Variants in SCN8A observed in about 807,000 individuals in gnomAD.
SCN8A encodes the protein sodium channel protein type 8 subunit alpha.
Under a neutral mutation model 184.1 loss-of-function variants are expected in SCN8A, and 30 were observed. The observed-to-expected ratio is 0.16, with a 90% confidence interval of 0.12 to 0.22. SCN8A has a LOEUF of 0.22. Ranked by LOEUF, SCN8A falls within the 10% of genes least tolerant of loss-of-function variation. SCN8A has a pLI of 1.00. For synonymous variants in SCN8A, 852 were observed against 907.0 expected, an observed-to-expected ratio of 0.94 and a Z score of 1.09; for missense variants, 1,057 against 2,498.9, an observed-to-expected ratio of 0.42 and a Z score of 12.30.
chr12:51,786,488 A>G (rs1465020906), intron 21 of SCN8A, 54 bp from the exon 22 acceptor site: 1 of 1,593,744 alleles, frequency 6.3e-7, no homozygotes, highest in Non-Finnish European at 8.6e-7. Flanking sequence ...AAATCAAAAA[A>G]TGTGCTTGCT....
intron 24 of SCN8A, 118 bp downstream of exon 24, chr12:51,789,536 C>T (rs1938183883): frequency 8.7e-7 from 1 of 1,153,734 alleles, no homozygotes; most frequent in Non-Finnish European, 1.2e-6. Flanking sequence ...ATATTGTTAG[C>T]TCACTGTGAC....
Position 51,687,117 on chromosome 12 carries a change from T to C in SCN8A, c.512T>C (p.Phe171Ser). 6.2e-7 allele frequency: 1 copy of C among 1,613,474 alleles called. No individual in the cohort carries two copies. The change falls in exon 5 of 27, where the codon TTT becomes TCT. Residue 171 changes from phenylalanine to serine, a missense_variant. Physicochemically the swap from Phe to Ser is radical, Grantham distance 155. Coordinates refer to ENST00000627620, the MANE Select transcript of SCN8A (RefSeq NM_001330260.2). ...TACACGTTCACAGGGATTTATACATTTGAATCACTAGTGAAAATCATTGCA... is the reference window on the plus strand; with the variant it reads ...TACACGTTCACAGGGATTTATACATCTGAATCACTAGTGAAAATCATTGCA... ...VEYTFTGIYT[F>S]ESLVKIIARG...
chr12:51,614,575 A>G (rs552941847), intron 1 of SCN8A, among the ~76,000 whole-genome samples: 4 of 152,294 alleles, frequency 2.6e-5, no homozygotes, highest in Admixed American at 2.6e-4. Flanking sequence ...TAACAGTGAT[A>G]CATTTGTTAA....
intron 16 of SCN8A, among the ~76,000 whole-genome samples, chr12:51,767,198 C>T (rs1013720484): frequency 3.9e-5 from 6 of 152,176 alleles, no homozygotes; most frequent in African/African-American, 1.4e-4. Context: ...AATGGCTTCC[C>T]GGTATGTAGC....
chr12:51,644,639 C>T (rs1940524603), intron 1 of SCN8A, among the ~76,000 whole-genome samples: 1 of 152,142 alleles, frequency 6.6e-6, no homozygotes, highest in African/African-American at 2.4e-5. Flanking sequence ...GAGATTGCAG[C>T]CTCTGCCCGG....
chr12:51,622,342 C>T (rs553002926), intron 1 of SCN8A, among the ~76,000 whole-genome samples: 1 of 152,186 alleles, frequency 6.6e-6, no homozygotes, highest in Non-Finnish European at 1.5e-5. Context: ...TTGGATTTTA[C>T]CACTTTTCAC....
chr12:51,611,774 C>T lies in SCN8A; in HGVS notation c.-55+20415C>T, dbSNP rs377697517. Reference sequence around the variant, plus strand: ...CCTCCCAAAGTGTTGGGATTACTGACGTGAGCCACTGCACCCGGCCTAATG... The same window carrying T: ...CCTCCCAAAGTGTTGGGATTACTGATGTGAGCCACTGCACCCGGCCTAATG... On this transcript the variant is annotated intron_variant, in intron 1 of 26. Coordinates refer to ENST00000627620, the MANE Select transcript of SCN8A (RefSeq NM_001330260.2). Among the ~76,000 whole-genome samples the T allele has an allele frequency of 6.6e-5, 10 of 152,270 alleles. No homozygotes were observed. The East Asian group carries it at 1.2e-3, about 18-fold the overall frequency.
intron 1 of SCN8A, among the ~76,000 whole-genome samples, chr12:51,636,629 G>A (rs1940324332): frequency 6.6e-6 from 1 of 152,174 alleles, no homozygotes; most frequent in African/African-American, 2.4e-5. Context: ...TGTTATTTAA[G>A]AGATATTAAA....
At chr12:51,712,266 A>G (rs1211466685) in intron 11 of SCN8A, among the ~76,000 whole-genome samples, 1 of 152,196 alleles carries the variant, frequency 6.6e-6, no homozygotes. Flanking sequence ...AACTGTGGCT[A>G]TGGTAGTCCT....
At position 51,811,533 on chromosome 12, in the gene SCN8A, G is replaced by C. The variant is rs1393270219; in HGVS notation, c.*4104G>C. ...TGCGATGCCCAACAGCCTCCACTCTGCAAGCTCATACTGGGCCCTGCCCTC... is the reference window on the plus strand; with the variant it reads ...TGCGATGCCCAACAGCCTCCACTCTCCAAGCTCATACTGGGCCCTGCCCTC... On this transcript the variant is annotated 3_prime_UTR_variant, in exon 27 of 27. Coordinates refer to ENST00000627620, the MANE Select transcript of SCN8A (RefSeq NM_001330260.2). The C allele has an allele frequency of 1.3e-5, 2 of 152,362 alleles. No homozygotes were observed. The highest frequency in any genetic ancestry group is 3.8e-4 in the East Asian group (2 of 5,206). 9.4% of individuals were successfully genotyped at this position (152,362 alleles called of 1,614,324 possible). A position where few individuals can be genotyped will look rare whatever the true frequency, so the allele number is the denominator to read the frequency against.
intron 26 of SCN8A, among the ~76,000 whole-genome samples, chr12:51,798,107 C>T (rs916810589): frequency 4.6e-5 from 7 of 152,166 alleles, no homozygotes; most frequent in Non-Finnish European, 1.0e-4. Flanking sequence ...TGCCCCAGCC[C>T]TGCAAAGTAT....
chr12:51,620,038 C>T (rs1411187708), intron 1 of SCN8A, among the ~76,000 whole-genome samples: 1 of 152,068 alleles, frequency 6.6e-6, no homozygotes, highest in Non-Finnish European at 1.5e-5. Context: ...TCAAGACATT[C>T]AGTGTGAAAA....
intron 26 of SCN8A, among the ~76,000 whole-genome samples, chr12:51,800,471 C>T (rs555325356): frequency 1.3e-5 from 2 of 152,346 alleles, no homozygotes; most frequent in African/African-American, 4.8e-5. Context: ...TCCAGGGATG[C>T]AGTATTGTTT....
At chr12:51,754,758 T>G (rs1206574551) in intron 14 of SCN8A, among the ~76,000 whole-genome samples, 1 of 152,238 alleles carries the variant, frequency 6.6e-6, no homozygotes, top group East Asian at 1.9e-4. Context: ...TTATGTAGAA[T>G]TCCCTCAATG....
At chr12:51,689,591 C>T (rs1278650100) in intron 6 of SCN8A, 1 of 154,920 alleles carries the variant, frequency 6.5e-6, no homozygotes, top group Non-Finnish European at 1.4e-5. Context: ...AATCCAGTAT[C>T]AGAGACAAAT....
intron 1 of SCN8A, among the ~76,000 whole-genome samples, chr12:51,605,539 G>T (rs1257684791): frequency 6.6e-6 from 1 of 152,156 alleles, no homozygotes; most frequent in East Asian, 1.9e-4. Flanking sequence ...GTTGTGAATT[G>T]TGCTGCTATA....
At chr12:51,654,177 CA>C (rs1940775820) in intron 1 of SCN8A, among the ~76,000 whole-genome samples, 1 of 152,166 alleles carries the variant, frequency 6.6e-6, no homozygotes, top group Non-Finnish European at 1.5e-5. Context: ...CTTTGAGCAA[CA>C]AAAGCTTTTC....
chr12:51,620,768 G>A (rs143127551), intron 1 of SCN8A, among the ~76,000 whole-genome samples: 70 of 151,812 alleles, frequency 4.6e-4, no homozygotes, highest in African/African-American at 1.4e-3. Context: ...CAAGAGGATC[G>A]CTTGAGCTCA....
At position 51,683,700 on chromosome 12, in the gene SCN8A, C is replaced by T. The variant is rs537242526; in HGVS notation, c.277-474C>T. ...TGTAGCACAGCCTATATGATTTACT[C>T]ATTCATTACAGTTTTTATTTATTGT... On this transcript the variant is annotated intron_variant, in intron 2 of 26. Transcript: ENST00000627620. Among the ~76,000 whole-genome samples the T allele has an allele frequency of 4.6e-5, 7 of 152,278 alleles. No individual in the cohort carries two copies. In the South Asian group the frequency reaches 1.5e-3, roughly 32 times the overall value.
Sources: gnomAD v4.1 joint callset for allele counts (sites outside exome capture counted in the v4.1 genomes callset) on GRCh38, gnomAD v4.1.1 for gene constraint, MANE v1.5 for transcripts, NCBI Gene and HGNC (gene_info 2026-07-23, HGNC 2026-07-21) for gene names.